The following ASMT variants were observed in gnomAD, a reference collection of about 807,000 sequenced individuals.
ASMT encodes the protein acetylserotonin O-methyltransferase, also known as acetylserotonin N-methyltransferase.
A neutral mutation model predicts 41.3 loss-of-function variants in ASMT; 53 were observed. That is an observed-to-expected ratio of 1.28 (90% CI 1.03 to 1.61). The LOEUF (loss-of-function observed/expected upper bound fraction) is 1.61. Ranked by LOEUF, ASMT falls within the 40% of genes most tolerant of loss-of-function variation. The pLI, the probability that ASMT is intolerant of heterozygous loss-of-function variation, is 0.00. For missense variants in ASMT, 531 were observed against 441.3 expected, an observed-to-expected ratio of 1.20 and a Z score of -1.82; for synonymous variants, 231 against 184.8, an observed-to-expected ratio of 1.25 and a Z score of -2.03.
chrX:1,623,054 T>C (rs6588802), intron 1 of ASMT, 85 bp from the exon 2 acceptor site: 772,505 of 1,379,922 alleles, frequency 0.56, 223,102 homozygotes, highest in African/African-American at 0.87. Flanking sequence ...CTTTCCTCCC[T>C]AGCCTGCCAT....
intron 4 of ASMT, among the ~76,000 whole-genome samples, chrX:1,628,940 CTCTT>C (rs1306785191): frequency 4.7e-5 from 6 of 127,108 alleles, no homozygotes; most frequent in East Asian, 2.1e-4. Context: ...CTTTCTCTCT[CTCTT>C]TCTTTCTTTC....
chrX:1,619,996 G>C (rs1934280476), intron 1 of ASMT, among the ~76,000 whole-genome samples: 1 of 151,160 alleles, frequency 6.6e-6, no homozygotes. Flanking sequence ...GGGAGACTGA[G>C]GCAGGAGAAT....
intron 8 of ASMT, among the ~76,000 whole-genome samples, chrX:1,641,316 C>T (rs868270950): frequency 1.9e-4 from 9 of 47,136 alleles, no homozygotes; most frequent in East Asian, 6.8e-4. Context: ...GTGAGGTCCA[C>T]CCATCCTGAT....
At chrX:1,636,048 C>T (rs1299543291) in intron 7 of ASMT, among the ~76,000 whole-genome samples, 7 of 150,722 alleles carry the variant, frequency 4.6e-5, no homozygotes, top group African/African-American at 7.3e-5. Flanking sequence ...CTCCGCCTCC[C>T]GGGTTCATGC....
intron 1 of ASMT, among the ~76,000 whole-genome samples, chrX:1,619,530 T>C (rs1934259960): frequency 1.4e-5 from 2 of 144,626 alleles, no homozygotes; most frequent in East Asian, 4.0e-4. Context: ...GTTCTGCACA[T>C]GTACCCCAGA....
At chrX:1,625,355 A>G (rs1454876279) in intron 3 of ASMT, among the ~76,000 whole-genome samples, 4 of 150,906 alleles carry the variant, frequency 2.7e-5, no homozygotes, top group Middle Eastern at 3.4e-3. Context: ...CTGCCTGCCT[A>G]CATGGTGGCA....
chrX:1,634,984 T>A (rs2149471239), intron 7 of ASMT, among the ~76,000 whole-genome samples: 1 of 130,172 alleles, frequency 7.7e-6, no homozygotes, highest in Non-Finnish European at 1.6e-5. Flanking sequence ...CTCTTTTTTT[T>A]TTTTTTTTGA....
chrX:1,636,209 C>CTCG (rs1934956022), intron 7 of ASMT: 1 of 608,488 alleles, frequency 1.6e-6, no homozygotes, highest in Non-Finnish European at 3.1e-6. Context: ...TGCCCACCTC[C>CTCG]GCCTCCCAAA....
At chrX:1,615,303 C>T in intron 1 of ASMT, 35 bp downstream of exon 1, 1 of 1,544,674 alleles carries the variant, frequency 6.5e-7, no homozygotes, top group Non-Finnish European at 8.8e-7. Context: ...GGGGAATAGA[C>T]TTCCGTTCAT....
intron 7 of ASMT, among the ~76,000 whole-genome samples, chrX:1,635,840 CAACA>C (rs1230948841): frequency 1.3e-5 from 2 of 150,774 alleles, no homozygotes; most frequent in Non-Finnish European, 2.9e-5. Context: ...CCAGCCTGGG[CAACA>C]AGAGCAAAAC....
chrX:1,629,374 CTG>C (rs1446401706), intron 4 of ASMT, among the ~76,000 whole-genome samples: 3 of 152,110 alleles, frequency 2.0e-5, no homozygotes, highest in African/African-American at 7.2e-5. Flanking sequence ...CTGTCCGCCT[CTG>C]TGTCCACCTA....
intron 8 of ASMT, among the ~76,000 whole-genome samples, chrX:1,640,530 C>G (rs1257369057): frequency 3.4e-5 from 2 of 58,304 alleles, no homozygotes; most frequent in Non-Finnish European, 5.7e-5. Context: ...GGCACAGCCT[C>G]TGTGTATGAT....
intron 4 of ASMT, 46 bp from the exon 5 acceptor site, chrX:1,629,775 G>A (rs373088295): frequency 3.7e-5 from 59 of 1,578,482 alleles, no homozygotes; most frequent in South Asian, 1.8e-4. Context: ...CTCTGGGCAC[G>A]TCCCCAGATC....
intron 1 of ASMT, among the ~76,000 whole-genome samples, chrX:1,620,093 A>AAAATAAAT (rs767892895): frequency 8.3e-4 from 125 of 151,148 alleles, no homozygotes; most frequent in South Asian, 8.2e-3. Context: ...ACTCCGTCTC[A>AAAATAAAT]AAATAAATAA....
chrX:1,625,896 A>G lies in ASMT; in HGVS notation c.374+1498A>G, dbSNP rs758656996. ...TGTGAACCCGGGAGGCGGAGGTTGCAGTGAGCCAAGATCGCACCACTGCAC... is the reference window on the plus strand; with the variant it reads ...TGTGAACCCGGGAGGCGGAGGTTGCGGTGAGCCAAGATCGCACCACTGCAC... On this transcript the variant is annotated intron_variant, in intron 3 of 8. Transcript: ENST00000381241. 1.1e-4 allele frequency among the ~76,000 whole-genome samples: 16 copies of G among 144,828 alleles called. No homozygotes were observed. The East Asian group carries it at 3.6e-3, about 32-fold the overall frequency.
At chrX:1,615,875 C>T (rs1469285303) in intron 1 of ASMT, among the ~76,000 whole-genome samples, 1 of 151,908 alleles carries the variant, frequency 6.6e-6, no homozygotes, top group Non-Finnish European at 1.5e-5. Flanking sequence ...AGAAACAAGA[C>T]AATGTTTATT....
At chrX:1,615,322 C>A in intron 1 of ASMT, 54 bp downstream of exon 1, 3 of 1,466,092 alleles carry the variant, frequency 2.0e-6, no homozygotes, top group East Asian at 2.4e-5. Flanking sequence ...ATCACACTCA[C>A]GTTCCATTGT....
intron 6 of ASMT, 121 bp downstream of exon 6, chrX:1,632,908 G>A: frequency 1.7e-6 from 1 of 605,340 alleles, no homozygotes; most frequent in Non-Finnish European, 3.0e-6. Context: ...AATACCTAAT[G>A]TAAATGACGA....
chrX:1,616,172 G>A (rs1188435623), intron 1 of ASMT, among the ~76,000 whole-genome samples: 15 of 145,652 alleles, frequency 1.0e-4, no homozygotes, highest in Non-Finnish European at 4.5e-5. Flanking sequence ...GGGATTACAG[G>A]CACCCACCAC....
Sources: allele counts gnomAD v4.1 joint callset (sites outside exome capture counted in the v4.1 genomes callset), GRCh38; gene constraint gnomAD v4.1.1; transcripts MANE v1.5; gene names NCBI Gene and HGNC (gene_info 2026-07-23, HGNC 2026-07-21).